Variants in LINGO2 observed in about 807,000 individuals in gnomAD.
LINGO2 encodes leucine rich repeat and Ig domain containing 2.
A neutral mutation model predicts 30.6 loss-of-function variants in LINGO2; 14 were observed. The ratio of observed to expected loss-of-function variants is 0.46; its 90% confidence interval spans 0.30 to 0.72. The LOEUF is 0.72. LINGO2 is among the 30% of genes least tolerant of loss of function. The pLI is 0.07. For missense variants in LINGO2, 729 were observed against 751.7 expected, an observed-to-expected ratio of 0.97 and a Z score of 0.35; for synonymous variants, 317 against 288.5, an observed-to-expected ratio of 1.10 and a Z score of -1.00.
At chr9:28,726,173 T>C in the LINGO2 span, among the ~76,000 whole-genome samples, 1 of 152,160 alleles carries the variant, frequency 6.6e-6, no homozygotes, top group African/African-American at 2.4e-5. Flanking sequence ...TGTTCCTTTT[T>C]CATTTATTTG....
intron 4 of LINGO2, among the ~76,000 whole-genome samples, chr9:28,154,702 A>G (rs1828087299): frequency 1.3e-5 from 2 of 152,194 alleles, no homozygotes; most frequent in African/African-American, 2.4e-5. Context: ...CCCTTTTCAG[A>G]CACCTATGGA....
chr9:28,584,514 C>T (rs1824431005), intron 1 of LINGO2, among the ~76,000 whole-genome samples: 1 of 151,826 alleles, frequency 6.6e-6, no homozygotes. Context: ...AGTACTCTTG[C>T]TTAAAATAAC....
At chr9:28,415,740 C>T (rs181860932) in intron 2 of LINGO2, among the ~76,000 whole-genome samples, 2 of 152,192 alleles carry the variant, frequency 1.3e-5, no homozygotes, top group East Asian at 1.9e-4. Context: ...TTTGTCCATC[C>T]GTACCTTTAC....
chr9:28,525,159 T>A (rs1049229155), intron 1 of LINGO2, among the ~76,000 whole-genome samples: 1 of 152,174 alleles, frequency 6.6e-6, no homozygotes, highest in Non-Finnish European at 1.5e-5. Context: ...TGCAGTGAGA[T>A]AACACTTCAC....
chr9:28,181,036 T>A (rs1203489890), intron 4 of LINGO2, among the ~76,000 whole-genome samples: 5 of 152,128 alleles, frequency 3.3e-5, no homozygotes, highest in Non-Finnish European at 7.4e-5. Context: ...TTTTATTAGA[T>A]TTAGGTAAAA....
chr9:29,177,023 C>T, the LINGO2 span, among the ~76,000 whole-genome samples: 7,257 of 152,190 alleles, frequency 0.048, 554 homozygotes, highest in African/African-American at 0.16. Flanking sequence ...ATAATAAATG[C>T]TCAATGCTTA....
At chr9:28,476,410 G>T (rs1380487818) in intron 1 of LINGO2, among the ~76,000 whole-genome samples, 2 of 152,090 alleles carry the variant, frequency 1.3e-5, no homozygotes, top group Admixed American at 1.3e-4. Flanking sequence ...CGAGTAGCTG[G>T]GACTACAGGC....
intron 2 of LINGO2, among the ~76,000 whole-genome samples, chr9:28,463,137 C>T (rs1021956303): frequency 1.3e-5 from 2 of 151,450 alleles, no homozygotes; most frequent in Non-Finnish European, 3.0e-5. Context: ...GTTTGGGCAA[C>T]AAATTTTATT....
At chr9:28,403,037 G>GA (rs988532283) in intron 2 of LINGO2, among the ~76,000 whole-genome samples, 3 of 151,974 alleles carry the variant, frequency 2.0e-5, no homozygotes, top group Non-Finnish European at 4.4e-5. Context: ...GGGTTTTTGT[G>GA]AAAAATAAAT....
intron 1 of LINGO2, among the ~76,000 whole-genome samples, chr9:28,553,927 A>C (rs1372082531): frequency 1.6e-4 from 25 of 152,088 alleles, no homozygotes; most frequent in Admixed American, 4.6e-4. Context: ...GAAATAAAAT[A>C]CTTTACAGAC....
chr9:27,998,507 G>A (rs898125617), intron 5 of LINGO2, among the ~76,000 whole-genome samples: 20 of 152,174 alleles, frequency 1.3e-4, no homozygotes, highest in South Asian at 4.1e-4. Context: ...GGCCTGGCAC[G>A]GTGGCTCATG....
the LINGO2 span, among the ~76,000 whole-genome samples, chr9:28,834,813 A>G: frequency 1.3e-5 from 2 of 152,148 alleles, no homozygotes; most frequent in African/African-American, 4.8e-5. Flanking sequence ...GGTAATTTGA[A>G]GAATTTTGTT....
At chr9:28,831,200 T>A in the LINGO2 span, among the ~76,000 whole-genome samples, 1 of 152,234 alleles carries the variant, frequency 6.6e-6, no homozygotes, top group Non-Finnish European at 1.5e-5. Flanking sequence ...TACATTCCCT[T>A]CCTTGTGTTA....
chr9:28,887,510 A>G, the LINGO2 span, among the ~76,000 whole-genome samples: 1 of 152,102 alleles, frequency 6.6e-6, no homozygotes, highest in East Asian at 1.9e-4. Context: ...TTTATTAAAA[A>G]AAAAGAAGGG....
At chr9:28,652,158 C>T (rs1274141672) in intron 1 of LINGO2, among the ~76,000 whole-genome samples, 1 of 151,836 alleles carries the variant, frequency 6.6e-6, no homozygotes, top group Admixed American at 6.6e-5. Flanking sequence ...TGTATATTAC[C>T]CTTTTCTCAC....
chr9:28,950,539 C>G, the LINGO2 span, among the ~76,000 whole-genome samples: 4 of 151,544 alleles, frequency 2.6e-5, no homozygotes, highest in African/African-American at 9.7e-5. Context: ...TAAGCAATTT[C>G]AGCAAAGTCT....
chr9:28,517,321 T>G (rs1213297203), intron 1 of LINGO2, among the ~76,000 whole-genome samples: 1 of 152,240 alleles, frequency 6.6e-6, no homozygotes, highest in African/African-American at 2.4e-5. Context: ...AGTTGTGAGA[T>G]TCCTCTTTTC....
chr9:28,623,533 T>C (rs1826511465), intron 1 of LINGO2, among the ~76,000 whole-genome samples: 1 of 152,074 alleles, frequency 6.6e-6, no homozygotes, highest in Admixed American at 6.6e-5. Context: ...GGGGGTTCTC[T>C]ATTCTGTTCT....
intron 3 of LINGO2, among the ~76,000 whole-genome samples, chr9:28,356,954 T>G (rs914733202): frequency 6.6e-6 from 1 of 151,918 alleles, no homozygotes; most frequent in East Asian, 1.9e-4. Flanking sequence ...TTTAAAGGGC[T>G]ACACACTAAC....
Sources: gnomAD v4.1 joint callset for allele counts (sites outside exome capture counted in the v4.1 genomes callset) on GRCh38, gnomAD v4.1.1 for gene constraint, MANE v1.5 for transcripts, NCBI Gene and HGNC (gene_info 2026-07-23, HGNC 2026-07-21) for gene names.